Variants in FNDC3B observed in about 807,000 individuals in gnomAD.
The protein encoded by FNDC3B is fibronectin type III domain containing 3B.
In FNDC3B, 12 loss-of-function variants were observed where a neutral mutation model predicts 151.5. The observed-to-expected ratio is 0.08, with a 90% CI of 0.05 to 0.13. FNDC3B has a LOEUF of 0.13. Among genes scored for constraint, FNDC3B ranks in the 10% least tolerant of loss-of-function variants. FNDC3B has a pLI of 1.00. For synonymous variants in FNDC3B, 528 were observed against 549.0 expected, an observed-to-expected ratio of 0.96 and a Z score of 0.54; for missense variants, 1,214 against 1,505.3, an observed-to-expected ratio of 0.81 and a Z score of 3.20.
intron 23 of FNDC3B, among the ~76,000 whole-genome samples, chr3:172,363,746 C>A (rs950797036): frequency 8.5e-5 from 13 of 152,212 alleles, no homozygotes; most frequent in African/African-American, 3.1e-4. Flanking sequence ...GTCTCCACCC[C>A]CTACTCTGCA....
chr3:172,311,912 T>C (rs1731524058), intron 11 of FNDC3B, among the ~76,000 whole-genome samples: 1 of 151,936 alleles, frequency 6.6e-6, no homozygotes, highest in Admixed American at 6.6e-5. Flanking sequence ...CTGTACTTTT[T>C]GTTCCTGTAG....
intron 3 of FNDC3B, among the ~76,000 whole-genome samples, chr3:172,158,289 C>T (rs10936713): frequency 0.33 from 49,507 of 152,024 alleles, 8,375 homozygotes; most frequent in African/African-American, 0.39. Context: ...AGTGGTTGTA[C>T]TATTTTATGT....
At chr3:172,084,668 C>T (rs12632949) in intron 1 of FNDC3B, among the ~76,000 whole-genome samples, 79,464 of 151,950 alleles carry the variant, frequency 0.52, 21,366 homozygotes, top group Admixed American at 0.59. Flanking sequence ...TTATGGATAA[C>T]GAAACTGAGA....
At chr3:172,166,289 C>T (rs1411573248) in intron 3 of FNDC3B, among the ~76,000 whole-genome samples, 1 of 152,184 alleles carries the variant, frequency 6.6e-6, no homozygotes, top group Non-Finnish European at 1.5e-5. Flanking sequence ...GTTCCTCAAT[C>T]AGTATCTGCC....
At chr3:172,043,455 T>C (rs1716194121) in intron 1 of FNDC3B, among the ~76,000 whole-genome samples, 3 of 152,172 alleles carry the variant, frequency 2.0e-5, no homozygotes, top group Non-Finnish European at 2.9e-5. Context: ...GAAGTGATCC[T>C]CTCCCCTTAG....
intron 7 of FNDC3B, among the ~76,000 whole-genome samples, chr3:172,292,833 G>A (rs1730414717): frequency 6.6e-6 from 1 of 152,196 alleles, no homozygotes; most frequent in South Asian, 2.1e-4. Context: ...CAGATATACT[G>A]TTGTATGTTG....
intron 3 of FNDC3B, among the ~76,000 whole-genome samples, chr3:172,196,237 G>T (rs758932916): frequency 6.6e-5 from 10 of 152,226 alleles, no homozygotes; most frequent in East Asian, 1.9e-4. Context: ...GCCCAGGCTG[G>T]AATTCAATGG....
chr3:172,194,142 C>T lies in FNDC3B; in HGVS notation c.188-32729C>T, dbSNP rs531891594. On this transcript the variant is annotated intron_variant, in intron 3 of 25. Coordinates refer to ENST00000415807, the MANE Select transcript of FNDC3B (RefSeq NM_022763.4). ...GGCTGAGGCAGGAGAACGGCGTGAA[C>T]CCGGGGGGCGGAGCCTGCAGTGAGC... Among the ~76,000 whole-genome samples, 308 of 152,250 alleles carry T rather than the reference C, an allele frequency of 2.0e-3. 1 individual carries two copies. Among genetic ancestry groups the T allele is most frequent in the South Asian group, 0.014 (66 of 4,828 alleles).
intron 22 of FNDC3B, among the ~76,000 whole-genome samples, chr3:172,354,119 G>A (rs1020499416): frequency 6.6e-6 from 1 of 151,864 alleles, no homozygotes; most frequent in African/African-American, 2.4e-5. Context: ...ACCAAATGAA[G>A]GAAAATCAAT....
intron 7 of FNDC3B, among the ~76,000 whole-genome samples, chr3:172,290,570 C>A (rs1730274402): frequency 6.6e-6 from 1 of 152,118 alleles, no homozygotes. Context: ...AATAATGTAA[C>A]CTGGAATTGT....
chr3:172,228,832 T>C (rs1359193723), intron 4 of FNDC3B, among the ~76,000 whole-genome samples: 1 of 152,176 alleles, frequency 6.6e-6, no homozygotes, highest in Non-Finnish European at 1.5e-5. Context: ...CAAAGTTAAA[T>C]GACCTTCCGT....
At chr3:172,093,550 G>A (rs558019952) in intron 1 of FNDC3B, among the ~76,000 whole-genome samples, 4 of 151,990 alleles carry the variant, frequency 2.6e-5, no homozygotes, top group Non-Finnish European at 5.9e-5. Flanking sequence ...GAGTCACCGC[G>A]CCCGGCCCCA....
intron 1 of FNDC3B, among the ~76,000 whole-genome samples, chr3:172,042,183 A>G (rs1716119707): frequency 6.6e-6 from 1 of 152,222 alleles, no homozygotes; most frequent in African/African-American, 2.4e-5. Flanking sequence ...AGTATATACA[A>G]TTTCAGAAAG....
intron 2 of FNDC3B, among the ~76,000 whole-genome samples, chr3:172,116,493 T>C (rs945980270): frequency 2.6e-5 from 4 of 152,202 alleles, no homozygotes; most frequent in African/African-American, 9.6e-5. Context: ...AGGTAGATAT[T>C]GCCTATTCTG....
intron 9 of FNDC3B, among the ~76,000 whole-genome samples, chr3:172,304,018 T>G (rs1731066666): frequency 6.6e-6 from 1 of 152,144 alleles, no homozygotes; most frequent in Admixed American, 6.5e-5. Context: ...GCAAGAAAAA[T>G]AGCCAACTCC....
intron 6 of FNDC3B, among the ~76,000 whole-genome samples, chr3:172,267,382 C>T (rs1200169898): frequency 6.6e-6 from 1 of 152,154 alleles, no homozygotes. Flanking sequence ...TCTTGAACTC[C>T]TGAGCTCAAA....
At chr3:172,192,169 G>GTGT (rs1553771178) in intron 3 of FNDC3B, among the ~76,000 whole-genome samples, 16 of 87,362 alleles carry the variant, frequency 1.8e-4, no homozygotes, top group Non-Finnish European at 2.9e-4. Context: ...TTTTGTGTGT[G>GTGT]TTTTTTGTTT....
At chr3:172,266,460 C>T (rs549478554) in intron 6 of FNDC3B, among the ~76,000 whole-genome samples, 35 of 152,314 alleles carry the variant, frequency 2.3e-4, no homozygotes, top group African/African-American at 6.3e-4. Flanking sequence ...AGGCATACAC[C>T]GCCGTGCCTG....
chr3:172,307,330 C>A, intron 9 of FNDC3B, 33 bp from the exon 10 acceptor site: 1 of 1,612,380 alleles, frequency 6.2e-7, no homozygotes, highest in South Asian at 1.1e-5. Flanking sequence ...TATGATGAGT[C>A]ACTGCCACTG....
Sources: gnomAD v4.1 joint callset for allele counts (sites outside exome capture counted in the v4.1 genomes callset) on GRCh38, gnomAD v4.1.1 for gene constraint, MANE v1.5 for transcripts, NCBI Gene and HGNC (gene_info 2026-07-23, HGNC 2026-07-21) for gene names.